Variants in ZNF888 observed in about 807,000 individuals in gnomAD.
The protein encoded by ZNF888 is CTD-2331H12.6.
Under a neutral mutation model 7.2 loss-of-function variants are expected in ZNF888, and 5 were observed. The ratio of observed to expected loss-of-function variants is 0.70; its 90% CI spans 0.36 to 1.46. The LOEUF is 1.46. Among genes scored for constraint, ZNF888 ranks in the 40% most tolerant of loss-of-function variants. ZNF888 has a pLI of 0.03. For missense variants in ZNF888, 716 were observed against 858.0 expected, an observed-to-expected ratio of 0.83 and a Z score of 2.07; for synonymous variants, 240 against 284.3, an observed-to-expected ratio of 0.84 and a Z score of 1.57.
intron 1 of ZNF888, among the ~76,000 whole-genome samples, 187 bp downstream of exon 1, chr19:52,923,182 G>C (rs112345428): frequency 2.0e-5 from 3 of 152,158 alleles, no homozygotes; most frequent in African/African-American, 4.8e-5. Context: ...CCGAGGACAG[G>C]GCAGCCTCAG....
chr19:52,922,469 G>GC, intron 1 of ZNF888, among the ~76,000 whole-genome samples: 1 of 152,070 alleles, frequency 6.6e-6, no homozygotes, highest in East Asian at 1.9e-4. Flanking sequence ...TCTGTTTGCT[G>GC]CCCCTCTCCC....
Position 52,906,889 on chromosome 19 carries a change from T to G in ZNF888, c.1433A>C (p.Lys478Thr). The change falls in exon 5 of 5, where the codon AAA becomes ACA. Residue 478 changes from lysine (K) to threonine (T), a missense_variant. By Grantham distance (78) the Lys-to-Thr change is moderately conservative. Coordinates refer to ENST00000638862, the MANE Select transcript of ZNF888 (RefSeq NM_001393938.1). ...TCTCCTATGTCTTTCAAGGTGTGAT[T>G]TGCGACTGAAAACTTTGTCACATTC... ...CKECDKVFSR[K>T]SHLERHRRIH... 6.2e-7 allele frequency: 1 copy of G among 1,612,988 alleles called. No homozygotes were observed.
At position 52,905,488 on chromosome 19, in the gene ZNF888, A is replaced by T. The variant is rs559379531; in HGVS notation, c.*677T>A. Reference sequence around the variant, plus strand: ...TATCTGTTTTTGTTAAAGAAACAAAAAACAGGCTGGGAAAAGTGGCTCACG... The same window carrying T: ...TATCTGTTTTTGTTAAAGAAACAAATAACAGGCTGGGAAAAGTGGCTCACG... On this transcript the variant is annotated 3_prime_UTR_variant, in exon 5 of 5. Coordinates refer to ENST00000638862, the MANE Select transcript of ZNF888 (RefSeq NM_001393938.1). The T allele has an allele frequency of 1.6e-4, 26 of 167,178 alleles. No individual in the cohort carries two copies. The South Asian group carries it at 3.8e-3, about 25-fold the overall frequency. The allele number at this position is 167,178 out of a possible 1,614,324, so 10.4% of individuals were successfully genotyped here.
chr19:52,922,488 T>C (rs1600694773), intron 1 of ZNF888, among the ~76,000 whole-genome samples: 1 of 152,150 alleles, frequency 6.6e-6, no homozygotes, highest in East Asian at 1.9e-4. Flanking sequence ...CCTACCTTGC[T>C]GTCTGTCCTT....
rs953393956 is a variant in ZNF888, at chr19:52,905,140, G to T, written c.*1025C>A. The T allele has an allele frequency of 8.5e-5, 13 of 152,178 alleles. No homozygotes were observed. Among genetic ancestry groups the T allele is most frequent in the African/African-American group, 2.9e-4 (12 of 41,508 alleles). The allele number at this position is 152,178 out of a possible 1,614,324, so 9.4% of individuals were successfully genotyped here. The stretch of plus-strand genomic sequence containing the variant: ...TTGTTAAGTAATTATATAACCCAAT[G>T]TGATTTAGATTCAACACGGTACCCA... On this transcript the variant is annotated 3_prime_UTR_variant, in exon 5 of 5. Transcript: ENST00000638862.
At position 52,908,190 on chromosome 19, in the gene ZNF888, T is replaced by C. The variant is rs2064634872; in HGVS notation, c.143-11A>G. On this transcript the variant is annotated splice_polypyrimidine_tract_variant and intron_variant, in intron 4 of 4. Transcript: ENST00000638862. ...ATTTGGAAGAGATATCTACAAAATA[T>C]AAACGCCAATAGTTTTCCAATTCAG... 1.2e-6 allele frequency: 2 copies of C among 1,611,782 alleles called. No homozygotes were observed. The highest frequency in any genetic ancestry group is 1.7e-5 in the Admixed American group (1 of 59,990).
At chr19:52,920,489 C>CAAAAAA (rs1191621530) in intron 1 of ZNF888, among the ~76,000 whole-genome samples, 23 of 6,852 alleles carry the variant, frequency 3.4e-3, no homozygotes, top group South Asian at 0.023. Flanking sequence ...TGCTTGAAGG[C>CAAAAAA]AAAAAAAAAA....
Position 52,906,636 on chromosome 19 carries a change from T to A in ZNF888, c.1686A>T (p.Lys562Asn). 1 of 1,613,444 alleles carries A rather than the reference T, an allele frequency of 6.2e-7. No individual in the cohort carries two copies. The highest frequency in any genetic ancestry group is 2.2e-5 in the East Asian group (1 of 44,836). The change falls in exon 5 of 5, where the codon AAA (lysine) becomes AAT (asparagine). Residue 562 changes from lysine to asparagine, a missense_variant. Transcript: ENST00000638862. Reference protein sequence around the residue: ...CNECGKSFNHKSSLAYHHRLH... With the variant: ...CNECGKSFNHNSSLAYHHRLH... ...GTCTATGATGATATGCAAGGCTTGA[T>A]TTGTGATTAAAACTTTTGCCACATT...
chr19:52,920,518 AAAAAAAAAG>A (rs2064813593), intron 1 of ZNF888, among the ~76,000 whole-genome samples: 2 of 38,060 alleles, frequency 5.3e-5, no homozygotes, highest in Non-Finnish European at 1.1e-4. Context: ...AAAAAAAAAG[AAAAAAAAAG>A]AAAAGGAAAA....
In ZNF888 at chr19:52,922,779, G is replaced by A. The variant is rs528589391; in HGVS notation, c.-178+590C>T. Among the ~76,000 whole-genome samples the A allele has an allele frequency of 9.2e-5, 14 of 152,300 alleles. No homozygotes were observed. The South Asian group carries it at 2.7e-3, about 29-fold the overall frequency. ...ATCCCAGAGAAGCGCATTTTCCAGG[G>A]GCTGGAGCTGGGCAGGCAAGAACAC... On this transcript the variant is annotated intron_variant, in intron 1 of 4. Transcript: ENST00000638862.
chr19:52,909,030 A>G (rs111356064), intron 4 of ZNF888, among the ~76,000 whole-genome samples: 227 of 151,898 alleles, frequency 1.5e-3, no homozygotes, highest in African/African-American at 4.8e-3. Context: ...CTGTAATCCC[A>G]GCTACTTGGG....
rs2064844999 is a variant in ZNF888 at position 52,923,421 on chromosome 19, C to T, written c.-230G>A. ...GATCCGCTTCCTGGTCCGGGCGAAT[C>T]TACAAGCACAGGACAGAAGCCAGGC... On this transcript the variant is annotated 5_prime_UTR_variant, in exon 1 of 5. Transcript: ENST00000638862. The T allele has an allele frequency of 1.0e-6, 1 of 985,238 alleles. No individual in the cohort carries two copies. Among genetic ancestry groups the T allele is most frequent in the Non-Finnish European group, 1.2e-6 (1 of 830,050 alleles). 61.0% of individuals were successfully genotyped at this position (985,238 alleles called of 1,614,324 possible). A position where few individuals can be genotyped will look rare whatever the true frequency, so the allele number is the denominator to read the frequency against.
chr19:52,916,619 T>TAC (rs1320149827), intron 3 of ZNF888, among the ~76,000 whole-genome samples: 2,338 of 19,126 alleles, frequency 0.12, 67 homozygotes, highest in African/African-American at 0.2. Flanking sequence ...CATATACATA[T>TAC]ATATATATAT....
At position 52,907,859 on chromosome 19, in the gene ZNF888, G is replaced by A. The variant is rs538495903; in HGVS notation, c.463C>T (p.Pro155Ser). 2.2e-5 allele frequency: 35 copies of A among 1,614,116 alleles called. No homozygotes were observed. Among genetic ancestry groups the A allele is most frequent in the East Asian group, 1.8e-4 (8 of 44,872 alleles). Residue 155 changes from proline to serine, a missense_variant, in exon 5 of 5, where the codon CCC becomes TCC. Transcript: ENST00000638862. ...AGTTGATTACCAATTTTCCCTTCGG[G>A]CTGAAATATGTGCAGTTCAGGCAGA... Reference protein sequence around the residue: ...SHLPELHIFQPEGKIGNQLEK... With the variant: ...SHLPELHIFQSEGKIGNQLEK...
At position 52,911,332 on chromosome 19, in the gene ZNF888, GTTTTC is replaced by G. The variant is rs1247447775; in HGVS notation, c.143-3158_143-3154del. 2.1e-4 allele frequency among the ~76,000 whole-genome samples: 31 copies of G among 145,286 alleles called. No individual in the cohort carries two copies. The East Asian group carries it at 6.1e-3, about 29-fold the overall frequency. On this transcript the variant is annotated intron_variant, in intron 4 of 4. Coordinates refer to ENST00000638862, the MANE Select transcript of ZNF888 (RefSeq NM_001393938.1). ...CCAGCAGTCTAAGCTATTTCTTTTT[GTTTTC>G]TTTTCTTTTTTTTTTTTTTGAGACG...
chr19:52,914,417 A>G (rs1020854560), intron 4 of ZNF888: 1 of 919,786 alleles, frequency 1.1e-6, no homozygotes, highest in Non-Finnish European at 1.3e-6. Flanking sequence ...TCCTACTTAT[A>G]AAAAGAAAGG....
chr19:52,911,000 C>T (rs975400107), intron 4 of ZNF888, among the ~76,000 whole-genome samples: 2 of 152,054 alleles, frequency 1.3e-5, no homozygotes, highest in African/African-American at 4.8e-5. Flanking sequence ...CCTGCTTCAA[C>T]CTCCCAAGTC....
In ZNF888 at chr19:52,906,587, T is replaced by G; in HGVS notation, c.1735A>C (p.Lys579Gln). ...HRLHTGEKPY[K>Q]CNECGKVFRT... is the part of the protein sequence containing the mutation. ...AAAACCTTGCCACATTCATTACACT[T>G]GTAAGGTTTCTCTCCAGTATGAAGT... Residue 579 changes from lysine (K) to glutamine (Q), a missense_variant, in exon 5 of 5, where the codon AAG becomes CAG. Lys to Gln is a moderately conservative substitution (Grantham distance 53). Transcript: ENST00000638862. The G allele has an allele frequency of 6.2e-7, 1 of 1,613,918 alleles. No individual in the cohort carries two copies. The highest frequency in any genetic ancestry group is 1.1e-5 in the South Asian group (1 of 91,074).
chr19:52,916,358 T>C (rs2064748010), intron 3 of ZNF888, among the ~76,000 whole-genome samples: 1 of 151,122 alleles, frequency 6.6e-6, no homozygotes, highest in South Asian at 2.1e-4. Flanking sequence ...ACAAAATCCA[T>C]TTTTTAAATG....
Sources: allele counts gnomAD v4.1 joint callset (sites outside exome capture counted in the v4.1 genomes callset), GRCh38; gene constraint gnomAD v4.1.1; transcripts MANE v1.5; gene names NCBI Gene and HGNC (gene_info 2026-07-23, HGNC 2026-07-21).